Variants in GLG1 observed in about 807,000 individuals in gnomAD.
The protein encoded by GLG1 is Golgi apparatus protein 1.
Under a neutral mutation model 160.5 loss-of-function variants are expected in GLG1, and 38 were observed. That is an observed-to-expected ratio of 0.24 (90% CI 0.18 to 0.31). GLG1 has a LOEUF of 0.31. Among genes scored for constraint, GLG1 ranks in the 10% least tolerant of loss-of-function variants. The probability of loss-of-function intolerance (pLI) is 1.00; values close to 1 mark genes in which losing one functional copy is unlikely to be tolerated. For missense variants in GLG1, 1,373 were observed against 1,505.2 expected (o/e 0.91, Z 1.45); for synonymous variants, 644 against 543.4 (o/e 1.19, Z -2.57).
In GLG1 at chr16:74,570,039, A is replaced by G. The variant is rs145159645; in HGVS notation, c.438+36618T>C. On this transcript the variant is annotated intron_variant, in intron 1 of 25. Coordinates refer to ENST00000422840, the MANE Select transcript of GLG1 (RefSeq NM_001145667.2). ...TCAAAAAAAAGAAAAGGAAAGAAAA[A>G]AAAAAAACAATAGTTTTGAAATTTT... Among the ~76,000 whole-genome samples, 1,167 of 152,078 alleles carry G rather than the reference A, an allele frequency of 7.7e-3. 15 individuals are homozygous for G. The highest frequency in any genetic ancestry group is 0.026 in the African/African-American group (1,091 of 41,512).
chr16:74,486,938 G>T (rs932353607), intron 8 of GLG1, among the ~76,000 whole-genome samples: 1 of 147,628 alleles, frequency 6.8e-6, no homozygotes, highest in African/African-American at 2.5e-5. Flanking sequence ...CCCCGAGACA[G>T]AGTTTCGCTC....
chr16:74,513,533 A>G (rs2016879985), intron 2 of GLG1, among the ~76,000 whole-genome samples: 1 of 152,184 alleles, frequency 6.6e-6, no homozygotes, highest in Non-Finnish European at 1.5e-5. Flanking sequence ...AGCAAACTCC[A>G]ACAGACCTGC....
intron 1 of GLG1, among the ~76,000 whole-genome samples, chr16:74,583,293 T>C (rs1567539061): frequency 6.6e-6 from 1 of 152,196 alleles, no homozygotes; most frequent in African/African-American, 2.4e-5. Flanking sequence ...TATATCCTCT[T>C]ACTGGAAACT....
intron 1 of GLG1, among the ~76,000 whole-genome samples, chr16:74,559,106 C>T (rs1033702328): frequency 2.0e-5 from 3 of 152,080 alleles, no homozygotes; most frequent in Admixed American, 6.6e-5. Flanking sequence ...CCAGGCTTCA[C>T]GCAGTCTTCC....
chr16:74,582,590 G>A (rs1859329197), intron 1 of GLG1, among the ~76,000 whole-genome samples: 2 of 151,980 alleles, frequency 1.3e-5, no homozygotes, highest in African/African-American at 2.4e-5. Flanking sequence ...GGAGGCCAAG[G>A]CAGGCGGATC....
At chr16:74,606,467 G>C (rs1290439597) in intron 1 of GLG1, among the ~76,000 whole-genome samples, 190 bp downstream of exon 1, 5 of 152,178 alleles carry the variant, frequency 3.3e-5, no homozygotes, top group Non-Finnish European at 7.3e-5. Context: ...TAAGGGCGGG[G>C]GAAAGAAGGA....
At chr16:74,507,936 A>G (rs1448062672) in intron 3 of GLG1, among the ~76,000 whole-genome samples, 1 of 152,192 alleles carries the variant, frequency 6.6e-6, no homozygotes, top group East Asian at 1.9e-4. Flanking sequence ...TAAAGCTAGG[A>G]GCTAAAGATA....
chr16:74,572,468 G>A (rs564454628), intron 1 of GLG1, among the ~76,000 whole-genome samples: 31 of 146,168 alleles, frequency 2.1e-4, no homozygotes, highest in African/African-American at 7.4e-4. Context: ...AGCCGAGATC[G>A]CACCACTGCC....
At chr16:74,463,544 C>CT (rs1203087704) in intron 19 of GLG1, 65 bp from the exon 20 acceptor site, 58,899 of 1,226,208 alleles carry the variant, frequency 0.048, no homozygotes, top group East Asian at 0.056. Flanking sequence ...TCTGCGACCA[C>CT]TTTTTTTTTT....
At chr16:74,462,703 T>A (rs2143184205) in intron 20 of GLG1, 73 bp from the exon 21 acceptor site, 2 of 1,355,242 alleles carry the variant, frequency 1.5e-6, no homozygotes, top group Non-Finnish European at 2.1e-6. Context: ...TCCACCTTCC[T>A]AAAGGGAGCA....
chr16:74,516,646 C>G (rs914566134), intron 2 of GLG1, among the ~76,000 whole-genome samples: 3 of 152,126 alleles, frequency 2.0e-5, no homozygotes. Context: ...ATTAAAAGAA[C>G]TAGAGAAGCA....
rs559740229 is a variant in GLG1 at position 74,606,572 on chromosome 16, G to A, written c.438+85C>T. 1.7e-5 allele frequency: 20 copies of A among 1,174,642 alleles called. No individual in the cohort carries two copies. The African/African-American group carries it at 2.2e-4, about 13-fold the overall frequency. The allele number at this position is 1,174,642 out of a possible 1,614,324, so 72.8% of individuals were successfully genotyped here. On this transcript the variant is annotated intron_variant, in intron 1 of 25. Coordinates refer to ENST00000422840, the MANE Select transcript of GLG1 (RefSeq NM_001145667.2). ...CACAGAGGAAGCAAGGAAAGCAGCC[G>A]ACCGGCGTCAGCGGCTTCCAAGGCC...
rs1282816408 is a variant in GLG1 at position 74,452,317 on chromosome 16, G to A, written c.*850C>T. The A allele has an allele frequency of 6.4e-6, 9 of 1,405,468 alleles. No individual in the cohort carries two copies. Among genetic ancestry groups the A allele is most frequent in the Non-Finnish European group, 8.3e-6 (9 of 1,080,134 alleles). 87.1% of individuals were successfully genotyped at this position (1,405,468 alleles called of 1,614,324 possible). A position where few individuals can be genotyped will look rare whatever the true frequency, so the allele number is the denominator to read the frequency against. Reference sequence around the variant, plus strand: ...GGCTGAGTCCTGTGCTGCCCTGGAGGAGGAAGGTTCCTGGGATCCTGCTGC... The same window carrying A: ...GGCTGAGTCCTGTGCTGCCCTGGAGAAGGAAGGTTCCTGGGATCCTGCTGC... On this transcript the variant is annotated 3_prime_UTR_variant, in exon 26 of 26. Transcript: ENST00000422840.
At chr16:74,458,045 A>C (rs745717829) in intron 23 of GLG1, 51 bp from the exon 24 acceptor site, 12 of 1,588,146 alleles carry the variant, frequency 7.6e-6, no homozygotes, top group African/African-American at 1.3e-5. Flanking sequence ...GAAATGCATC[A>C]GATCTGTTGT....
intron 1 of GLG1, among the ~76,000 whole-genome samples, chr16:74,547,060 A>T (rs1366664669): frequency 6.6e-6 from 1 of 152,150 alleles, no homozygotes; most frequent in Non-Finnish European, 1.5e-5. Context: ...TAAGAATAGG[A>T]AGTTGACTTC....
intron 1 of GLG1, among the ~76,000 whole-genome samples, chr16:74,597,373 G>C (rs566970043): frequency 2.0e-5 from 3 of 150,296 alleles, no homozygotes; most frequent in African/African-American, 7.3e-5. Context: ...TGAGGTTGCA[G>C]TGAGCTGACA....
At chr16:74,506,379 C>A (rs2016603166) in intron 3 of GLG1, among the ~76,000 whole-genome samples, 1 of 151,156 alleles carries the variant, frequency 6.6e-6, no homozygotes, top group South Asian at 2.1e-4. Context: ...GAGACTGAGA[C>A]CATCCTGGCT....
At chr16:74,560,367 G>T (rs1212319824) in intron 1 of GLG1, among the ~76,000 whole-genome samples, 1 of 129,590 alleles carries the variant, frequency 7.7e-6, no homozygotes, top group Non-Finnish European at 1.5e-5. Context: ...TCACTCTGTC[G>T]CCCAGGCTGG....
intron 7 of GLG1, 67 bp from the exon 8 acceptor site, chr16:74,491,282 C>A: frequency 9.2e-7 from 1 of 1,089,650 alleles, no homozygotes; most frequent in South Asian, 1.3e-5. Flanking sequence ...GAAATCACCA[C>A]CTATTAAAAG....
Sources: allele counts gnomAD v4.1 joint callset (sites outside exome capture counted in the v4.1 genomes callset), GRCh38; gene constraint gnomAD v4.1.1; transcripts MANE v1.5; gene names NCBI Gene and HGNC (gene_info 2026-07-23, HGNC 2026-07-21).